Variants in RAPGEF5 observed in about 807,000 individuals in gnomAD.
RAPGEF5 encodes the protein M-Ras-regulated GEF.
A neutral mutation model predicts 125.2 loss-of-function variants in RAPGEF5; 65 were observed. That is an observed-to-expected ratio of 0.52 (90% CI 0.43 to 0.64). The LOEUF is 0.64. RAPGEF5 is among the 30% of genes least tolerant of loss of function. The pLI is 0.00. For missense variants in RAPGEF5, 958 were observed against 1,048.1 expected (o/e 0.91, Z 1.19); for synonymous variants, 391 against 385.9 (o/e 1.01, Z -0.16).
At chr7:22,306,827 A>C (rs528513116) in intron 5 of RAPGEF5, among the ~76,000 whole-genome samples, 60 of 152,196 alleles carry the variant, frequency 3.9e-4, no homozygotes, top group African/African-American at 1.3e-3. Context: ...TCCTCAGTGC[A>C]TGTCTTGGCA....
In RAPGEF5 at chr7:22,269,923, C is replaced by T. The variant is rs80177725; in HGVS notation, c.748-2911G>A. On this transcript the variant is annotated intron_variant, in intron 6 of 25. Transcript: ENST00000665637. ...GGATCAGTCAGATTGGTGGGAAAAACTATAGGGAAAGGACACAAACCTTCT... is the reference window on the plus strand; with the variant it reads ...GGATCAGTCAGATTGGTGGGAAAAATTATAGGGAAAGGACACAAACCTTCT... 6.4e-3 allele frequency among the ~76,000 whole-genome samples: 967 copies of T among 152,238 alleles called. 14 individuals carry two copies. The highest frequency in any genetic ancestry group is 5.9e-3 in the Non-Finnish European group (403 of 68,028).
rs1206080560 is a variant in RAPGEF5 at position 22,318,015 on chromosome 7, T to C, written c.254A>G (p.Asn85Ser). The change falls in exon 2 of 26, where the codon AAT becomes AGT. Residue 85 changes from asparagine (N) to serine (S), a missense_variant. Physicochemically the swap from Asn to Ser is conservative, Grantham distance 46 (BLOSUM62 1). Coordinates refer to ENST00000665637, the MANE Select transcript of RAPGEF5 (RefSeq NM_012294.5). ...GGRTLSRRIS[N>S]PYLEHTPSQI... ...GGAAGGCGTATGTTCAAGGTACGGA[T>C]TAGATATTCTTCTTGATAGAGTCTA... The C allele has an allele frequency of 2.6e-6, 4 of 1,545,284 alleles. No homozygotes were observed. In the African/African-American group the frequency reaches 4.1e-5, roughly 16 times the overall value.
intron 9 of RAPGEF5, among the ~76,000 whole-genome samples, chr7:22,214,159 G>A (rs906560968): frequency 6.6e-6 from 1 of 152,182 alleles, no homozygotes; most frequent in African/African-American, 2.4e-5. Context: ...TCCGGTTGAG[G>A]CTGAGTGATA....
At chr7:22,139,527 C>T (rs1042576776) in intron 21 of RAPGEF5, among the ~76,000 whole-genome samples, 1 of 152,378 alleles carries the variant, frequency 6.6e-6, no homozygotes, top group South Asian at 2.1e-4. Context: ...AGAACCCAAA[C>T]AGCCTTCGGC....
intron 7 of RAPGEF5, among the ~76,000 whole-genome samples, chr7:22,240,442 G>C (rs1786300966): frequency 6.6e-6 from 1 of 151,784 alleles, no homozygotes; most frequent in African/African-American, 2.4e-5. Context: ...CGCCATCTCG[G>C]CTCACTGTAA....
intron 1 of RAPGEF5, among the ~76,000 whole-genome samples, chr7:22,333,131 A>G (rs1361912850): frequency 1.3e-5 from 2 of 152,198 alleles, no homozygotes; most frequent in African/African-American, 4.8e-5. Context: ...TAGTGATTCT[A>G]TAATTCTCAT....
chr7:22,126,619 T>G (rs1431402886), intron 24 of RAPGEF5, among the ~76,000 whole-genome samples: 1 of 152,224 alleles, frequency 6.6e-6, no homozygotes, highest in Non-Finnish European at 1.5e-5. Flanking sequence ...TAACATCATT[T>G]TTTTTGTTTT....
intron 1 of RAPGEF5, among the ~76,000 whole-genome samples, chr7:22,354,702 G>C (rs768428252): frequency 2.6e-5 from 4 of 152,220 alleles, no homozygotes; most frequent in South Asian, 4.2e-4. Context: ...TATGAGAAGA[G>C]GGAGCCCTCT....
Position 22,219,894 on chromosome 7 carries a change from T to C in RAPGEF5, c.968A>G (p.Asp323Gly), listed in dbSNP as rs1284133286. The C allele has an allele frequency of 1.9e-6, 3 of 1,613,154 alleles. No individual in the cohort carries two copies. The highest frequency in any genetic ancestry group is 2.2e-5 in the East Asian group (1 of 44,858). ...AKENYQFLQT[D>G]KKEQEKSEHQ... ...TTCAGACTTCTCCTGTTCTTTTTTG[T>C]CCGTCTGCAAAAACTGATAGTTTTC... The change falls in exon 9 of 26, where the codon GAC (aspartate) becomes GGC (glycine). Residue 323 changes from aspartate to glycine, a missense_variant. Coordinates refer to ENST00000665637, the MANE Select transcript of RAPGEF5 (RefSeq NM_012294.5).
chr7:22,291,822 A>G (rs1782942370), intron 5 of RAPGEF5, among the ~76,000 whole-genome samples: 1 of 152,258 alleles, frequency 6.6e-6, no homozygotes, highest in South Asian at 2.1e-4. Context: ...CACGTGTTAA[A>G]TAACTAATGA....
chr7:22,121,731 A>T lies in RAPGEF5; in HGVS notation c.*675T>A, dbSNP rs1238561533. 1 of 152,582 alleles carries T rather than the reference A, an allele frequency of 6.6e-6. No homozygotes were observed. Among genetic ancestry groups the T allele is most frequent in the African/African-American group, 2.4e-5 (1 of 41,458 alleles). The allele number at this position is 152,582 out of a possible 1,614,324, so 9.5% of individuals were successfully genotyped here. A position where few individuals can be genotyped will look rare whatever the true frequency, so the allele number is the denominator to read the frequency against. On this transcript the variant is annotated 3_prime_UTR_variant, in exon 26 of 26. Coordinates refer to ENST00000665637, the MANE Select transcript of RAPGEF5 (RefSeq NM_012294.5). Reference sequence around the variant, plus strand: ...TTCATCTACCTTGCCTATAGCTGCAAATCAGTTGTACAGAAACTAATTTCA... The same window carrying T: ...TTCATCTACCTTGCCTATAGCTGCATATCAGTTGTACAGAAACTAATTTCA...
At chr7:22,306,343 A>T (rs4719690) in intron 5 of RAPGEF5, among the ~76,000 whole-genome samples, 1 of 152,002 alleles carries the variant, frequency 6.6e-6, no homozygotes, top group South Asian at 2.1e-4. Context: ...CCTTTTCATA[A>T]ACCTGTTTGT....
At chr7:22,240,156 G>A (rs1285634332) in intron 7 of RAPGEF5, among the ~76,000 whole-genome samples, 1 of 143,796 alleles carries the variant, frequency 7.0e-6, no homozygotes, top group African/African-American at 2.6e-5. Flanking sequence ...GTTGCAGTGA[G>A]CCAAAATCAC....
chr7:22,243,679 A>G (rs1786399195), intron 7 of RAPGEF5, among the ~76,000 whole-genome samples: 1 of 152,230 alleles, frequency 6.6e-6, no homozygotes, highest in Admixed American at 6.5e-5. Flanking sequence ...ATGTATGCAT[A>G]CATTGTGGAA....
chr7:22,301,614 CAAAAAAAAA>C (rs35404390), intron 5 of RAPGEF5, among the ~76,000 whole-genome samples: 1 of 83,808 alleles, frequency 1.2e-5, no homozygotes, highest in African/African-American at 4.7e-5. Context: ...GACTCTGTCT[CAAAAAAAAA>C]AAAAAAAAAA....
chr7:22,212,448 A>C (rs1051103014), intron 9 of RAPGEF5, among the ~76,000 whole-genome samples: 1 of 152,162 alleles, frequency 6.6e-6, no homozygotes, highest in African/African-American at 2.4e-5. Flanking sequence ...CACACAGGTA[A>C]ACTGAATTCA....
chr7:22,233,900 C>T (rs1187646914), intron 7 of RAPGEF5, among the ~76,000 whole-genome samples: 1 of 152,148 alleles, frequency 6.6e-6, no homozygotes, highest in Non-Finnish European at 1.5e-5. Context: ...CCAAAACTAA[C>T]AGGGTGAGAA....
At chr7:22,132,412 G>C (rs1242784509) in intron 23 of RAPGEF5, among the ~76,000 whole-genome samples, 1 of 150,018 alleles carries the variant, frequency 6.7e-6, no homozygotes, top group Non-Finnish European at 1.5e-5. Flanking sequence ...TGATGTCCTA[G>C]TAGGAAAACG....
chr7:22,139,117 G>T (rs532093698), intron 21 of RAPGEF5, among the ~76,000 whole-genome samples: 3 of 152,170 alleles, frequency 2.0e-5, no homozygotes, highest in Non-Finnish European at 4.4e-5. Flanking sequence ...CCTATTCCGA[G>T]AAAAAGATAG....
Sources: allele counts gnomAD v4.1 joint callset (sites outside exome capture counted in the v4.1 genomes callset), GRCh38; gene constraint gnomAD v4.1.1; transcripts MANE v1.5; gene names NCBI Gene and HGNC (gene_info 2026-07-23, HGNC 2026-07-21).